Variants in FILIP1 observed in about 807,000 individuals in gnomAD.
The protein encoded by FILIP1 is filamin-A-interacting protein 1.
Under a neutral mutation model 102.1 loss-of-function variants are expected in FILIP1, and 61 were observed. That is an observed-to-expected ratio of 0.60 (90% CI 0.49 to 0.74). The LOEUF (loss-of-function observed/expected upper bound fraction) is 0.74. Among genes scored for constraint, FILIP1 ranks in the 30% least tolerant of loss-of-function variants. The pLI is 0.00. For missense variants in FILIP1, 1,314 were observed against 1,441.2 expected (o/e 0.91, Z 1.43); for synonymous variants, 491 against 526.9 (o/e 0.93, Z 0.93).
rs776863722 is a variant in FILIP1 at position 75,312,503 on chromosome 6, CGAA to C, written c.3326_3328del (p.Leu1109del). On this transcript the variant is annotated inframe_deletion, in exon 5 of 6. Coordinates refer to ENST00000237172, the MANE Select transcript of FILIP1 (RefSeq NM_015687.5). ...TGAGGAGAGGTGATTCCTGGGAGAG[CGAA>C]GGACAGTGCCGGTGGAAACCTCCTT... The C allele has an allele frequency of 6.2e-7, 1 of 1,614,098 alleles. No homozygotes were observed. Among genetic ancestry groups the C allele is most frequent in the South Asian group, 1.1e-5 (1 of 91,084 alleles).
intron 2 of FILIP1, among the ~76,000 whole-genome samples, chr6:75,402,949 T>C (rs1055613336): frequency 3.3e-5 from 5 of 152,210 alleles, no homozygotes; most frequent in Non-Finnish European, 7.3e-5. Context: ...AATCACCAGT[T>C]ACTAATAGAG....
Position 75,312,906 on chromosome 6 carries a change from G to C in FILIP1, c.2926C>G (p.Arg976Gly). Residue 976 changes from arginine to glycine, a missense_variant, in exon 5 of 6, where the codon CGA becomes GGA. Arg to Gly is a moderately radical substitution (Grantham distance 125). This residue lies in a region of FILIP1 where 816 missense variants were observed against 913.1 expected (regional missense o/e 0.89). Coordinates refer to ENST00000237172, the MANE Select transcript of FILIP1 (RefSeq NM_015687.5). ...KSGDTTLGPE[R>G]AMSPVTITTF... ...GTAATTGTGACTGGGGACATGGCTC[G>C]TTCTGGGCCAAGAGTAGTATCTCCA... is the stretch of plus-strand genomic sequence containing the variant. 1 of 1,614,154 alleles carries C rather than the reference G, an allele frequency of 6.2e-7. No homozygotes were observed. Among genetic ancestry groups the C allele is most frequent in the Middle Eastern group, 1.6e-4 (1 of 6,062 alleles).
Position 75,314,823 on chromosome 6 carries a change from C to T in FILIP1, c.1009G>A (p.Gly337Ser). 6.2e-7 allele frequency: 1 copy of T among 1,614,018 alleles called. No individual in the cohort carries two copies. The highest frequency in any genetic ancestry group is 8.5e-7 in the Non-Finnish European group (1 of 1,180,010). Residue 337 changes from glycine to serine, a missense_variant, in exon 5 of 6, where the codon GGC (glycine) becomes AGC (serine). This residue lies in a region of FILIP1 where 494 missense variants were observed against 511.2 expected (regional missense o/e 0.97). Transcript: ENST00000237172. ...AGCTCCTCGATTCTTTGGGTTAAGC[C>T]AACCAGCTTGAGTCTAAGTTGCCTA... is the stretch of plus-strand genomic sequence containing the variant. ...HNRQLRLKLV[G>S]LTQRIEELEE...
At chr6:75,451,567 C>T (rs891347829) in intron 1 of FILIP1, among the ~76,000 whole-genome samples, 2 of 151,734 alleles carry the variant, frequency 1.3e-5, no homozygotes, top group East Asian at 1.9e-4. Context: ...ACAGTGGCTC[C>T]GGCCTGTTAT....
At chr6:75,363,173 T>C (rs1775225074) in intron 2 of FILIP1, 1 of 393,516 alleles carries the variant, frequency 2.5e-6, no homozygotes, top group Non-Finnish European at 4.6e-6. Flanking sequence ...AATTGCTTTA[T>C]CTAAGTAGCA....
At chr6:75,349,303 C>A (rs868857923) in intron 4 of FILIP1, among the ~76,000 whole-genome samples, 1 of 152,098 alleles carries the variant, frequency 6.6e-6, no homozygotes, top group African/African-American at 2.4e-5. Context: ...ATGTGGAGAA[C>A]GGAGCTGAAA....
intron 2 of FILIP1, among the ~76,000 whole-genome samples, chr6:75,373,837 T>C (rs1356498375): frequency 6.6e-6 from 1 of 152,062 alleles, no homozygotes; most frequent in African/African-American, 2.4e-5. Flanking sequence ...GGCAAAACCC[T>C]GTCTCTATAA....
chr6:75,441,590 GCGGC>G (rs1778232914), intron 1 of FILIP1, among the ~76,000 whole-genome samples: 1 of 150,676 alleles, frequency 6.6e-6, no homozygotes, highest in African/African-American at 2.5e-5. Flanking sequence ...CCCGGACGGG[GCGGC>G]TGGCCGGGCA....
At chr6:75,445,013 C>G (rs989316862) in intron 1 of FILIP1, among the ~76,000 whole-genome samples, 1 of 152,118 alleles carries the variant, frequency 6.6e-6, no homozygotes, top group Non-Finnish European at 1.5e-5. Context: ...CACTGACTTT[C>G]AGTCCAACAT....
At chr6:75,489,910 C>G (rs1309899668) in intron 1 of FILIP1, among the ~76,000 whole-genome samples, 1 of 151,830 alleles carries the variant, frequency 6.6e-6, no homozygotes, top group Non-Finnish European at 1.5e-5. Flanking sequence ...TCTCTTAAAC[C>G]TTTCTGTTGA....
intron 1 of FILIP1, among the ~76,000 whole-genome samples, chr6:75,469,535 T>A (rs1779271401): frequency 2.6e-5 from 4 of 152,016 alleles, no homozygotes. Flanking sequence ...TAAAAAAGAA[T>A]GTGCATTAGC....
chr6:75,319,909 C>T (rs955918128), intron 4 of FILIP1: 15 of 469,690 alleles, frequency 3.2e-5, no homozygotes, highest in Admixed American at 9.0e-5. Context: ...GCTCCTCCTC[C>T]GGACAAGTTT....
At chr6:75,354,624 G>A (rs1267516082) in intron 3 of FILIP1, among the ~76,000 whole-genome samples, 3 of 150,254 alleles carry the variant, frequency 2.0e-5, no homozygotes, top group African/African-American at 7.4e-5. Flanking sequence ...TGTAGTGTTC[G>A]CTCAACGTGA....
At chr6:75,348,353 G>A (rs979667485) in intron 4 of FILIP1, among the ~76,000 whole-genome samples, 10 of 152,012 alleles carry the variant, frequency 6.6e-5, no homozygotes, top group Admixed American at 3.9e-4. Context: ...TTACCCAGCC[G>A]GAATTAATAC....
intron 1 of FILIP1, among the ~76,000 whole-genome samples, chr6:75,464,079 T>C (rs1432819409): frequency 6.6e-6 from 1 of 152,218 alleles, no homozygotes; most frequent in Non-Finnish European, 1.5e-5. Flanking sequence ...GACTGTTCCA[T>C]GTCTGTCCTT....
intron 6 of FILIP1, among the ~76,000 whole-genome samples, chr6:75,302,126 C>A (rs1772854560): frequency 6.6e-6 from 1 of 152,168 alleles, no homozygotes; most frequent in South Asian, 2.1e-4. Flanking sequence ...TCTCAGGCCC[C>A]TTTCTTCACA....
intron 1 of FILIP1, among the ~76,000 whole-genome samples, chr6:75,485,472 C>G (rs1418061705): frequency 6.6e-6 from 1 of 152,130 alleles, no homozygotes; most frequent in African/African-American, 2.4e-5. Flanking sequence ...TATATTCCAT[C>G]CCATATAAAA....
intron 1 of FILIP1, among the ~76,000 whole-genome samples, chr6:75,419,274 T>C (rs1453290104): frequency 6.6e-6 from 1 of 152,168 alleles, no homozygotes; most frequent in Non-Finnish European, 1.5e-5. Context: ...ATTTTTGTGT[T>C]GTGATTCAAC....
chr6:75,418,534 T>A (rs1200258840), intron 1 of FILIP1, among the ~76,000 whole-genome samples: 1 of 152,158 alleles, frequency 6.6e-6, no homozygotes, highest in Non-Finnish European at 1.5e-5. Context: ...TCATCAGTGT[T>A]GGCCAAATCC....
Sources: allele counts gnomAD v4.1 joint callset (sites outside exome capture counted in the v4.1 genomes callset), GRCh38; gene constraint gnomAD v4.1.1; regional missense constraint gnomAD v4.1.1; transcripts MANE v1.5; gene names NCBI Gene and HGNC (gene_info 2026-07-23, HGNC 2026-07-21).